Variants in SLC23A1 observed in about 807,000 individuals in gnomAD.
SLC23A1 encodes the protein solute carrier family 23 member 1, also known as Na(+)/L-ascorbic acid transporter 1.
A neutral mutation model predicts 62.5 loss-of-function variants in SLC23A1; 31 were observed. The observed-to-expected ratio is 0.50, with a 90% confidence interval of 0.37 to 0.67. SLC23A1 has a LOEUF of 0.67. Among genes scored for constraint, SLC23A1 ranks in the 30% least tolerant of loss-of-function variants. SLC23A1 has a pLI of 0.00. For missense variants in SLC23A1, 640 were observed against 782.7 expected, an observed-to-expected ratio of 0.82 and a Z score of 2.18; for synonymous variants, 271 against 313.2, an observed-to-expected ratio of 0.87 and a Z score of 1.42.
At chr5:139,374,193 G>A (rs546853765) in intron 13 of SLC23A1, among the ~76,000 whole-genome samples, 1 of 152,320 alleles carries the variant, frequency 6.6e-6, no homozygotes, top group Admixed American at 6.5e-5. Flanking sequence ...GGGCCAAGCT[G>A]GTAAGCTCTA....
chr5:139,378,140 T>C lies in SLC23A1; in HGVS notation c.1310-22A>G, dbSNP rs200040295. On this transcript the variant is annotated intron_variant, in intron 11 of 14. Transcript: ENST00000348729. The surrounding 1 kb of genome is among the most constrained non-coding windows in gnomAD (Gnocchi z 4.5). Reference sequence around the variant, plus strand: ...ATGCCTAAGGGCGCAAGAGAACGGCTGGAGGCGCCGCACACGCGTAATCCA... The same window carrying C: ...ATGCCTAAGGGCGCAAGAGAACGGCCGGAGGCGCCGCACACGCGTAATCCA... The C allele has an allele frequency of 1.1e-5, 17 of 1,614,052 alleles. No individual in the cohort carries two copies. In the East Asian group the frequency reaches 3.6e-4, roughly 34 times the overall value.
At position 139,378,621 on chromosome 5, in the gene SLC23A1, G is replaced by A. The variant is rs375052458; in HGVS notation, c.1137C>T (p.Ser379=). The A allele has an allele frequency of 5.6e-6, 9 of 1,611,834 alleles. No homozygotes were observed. The African/African-American group carries it at 1.2e-4, about 22-fold the overall frequency. ...CGCCAATGTTGGGACTGGACGAGGT[G>A]GACCCGTTGCCCGTGCCCAATAGCC... is the stretch of plus-strand genomic sequence containing the variant. ...IAGLLGTGNG[S]TSSSPNIGVL... The change falls in exon 10 of 15, where the codon TCC becomes TCT. Residue 379 remains serine, a synonymous_variant. Transcript: ENST00000348729. The surrounding 1 kb of genome is among the most constrained non-coding windows in gnomAD (Gnocchi z 4.5).
At chr5:139,380,732 T>C in intron 4 of SLC23A1, 66 bp downstream of exon 4, 1 of 1,463,130 alleles carries the variant, frequency 6.8e-7, no homozygotes, top group Non-Finnish European at 9.6e-7. Context: ...CCCGGGACAG[T>C]TGCTCAGACC....
At chr5:139,372,472 A>C (rs1428764627) in intron 13 of SLC23A1, among the ~76,000 whole-genome samples, 1 of 152,230 alleles carries the variant, frequency 6.6e-6, no homozygotes, top group Non-Finnish European at 1.5e-5. Context: ...TTATTGTGTA[A>C]CTACAGTGTG....
chr5:139,382,447 C>T (rs763744414), intron 2 of SLC23A1, 45 bp downstream of exon 2: 16 of 1,151,644 alleles, frequency 1.4e-5, no homozygotes, highest in South Asian at 4.9e-5. Flanking sequence ...CTGGAGTCCC[C>T]GGGGAGTGTG....
intron 14 of SLC23A1, among the ~76,000 whole-genome samples, chr5:139,371,175 C>CAG (rs1282043462): frequency 6.6e-6 from 1 of 152,162 alleles, no homozygotes; most frequent in East Asian, 1.9e-4. Flanking sequence ...CCTTCCTTTC[C>CAG]ACATCTCTAA....
Position 139,377,961 on chromosome 5 carries a change from ACAG to A in SLC23A1, c.1453+11_1453+13del. 6.2e-7 allele frequency: 1 copy of A among 1,612,458 alleles called. No individual in the cohort carries two copies. The highest frequency in any genetic ancestry group is 8.5e-7 in the Non-Finnish European group (1 of 1,179,272). On this transcript the variant is annotated intron_variant, in intron 12 of 14. Transcript: ENST00000348729. ...CCCACCCCGCCTTTGGAGACAGTAA[ACAG>A]CTGGAGGCACCTGTATTGATGGCGC...
chr5:139,374,796 C>T (rs1757863985), intron 13 of SLC23A1, among the ~76,000 whole-genome samples: 1 of 152,164 alleles, frequency 6.6e-6, no homozygotes, highest in Non-Finnish European at 1.5e-5. Flanking sequence ...ACCCAAGTCA[C>T]AAAGAAGCCT....
chr5:139,372,654 G>A (rs1757736290), intron 13 of SLC23A1, among the ~76,000 whole-genome samples: 1 of 151,862 alleles, frequency 6.6e-6, no homozygotes, highest in Non-Finnish European at 1.5e-5. Flanking sequence ...GCACGATCTC[G>A]GCTCACTGCC....
Position 139,380,269 on chromosome 5 carries a change from C to T in SLC23A1, c.586G>A (p.Gly196Ser). Residue 196 changes from glycine to serine, a missense_variant, in exon 6 of 15, where the codon GGC becomes AGC. Physicochemically the swap from Gly to Ser is moderately conservative, Grantham distance 56. Coordinates refer to ENST00000348729, the MANE Select transcript of SLC23A1 (RefSeq NM_005847.5). Reference sequence around the variant, plus strand: ...CCAGCAGCTTGGAAGACAGAAAGGCCAATGAGGGAGACAGTGGGGGTGACT... The same window carrying T: ...CCAGCAGCTTGGAAGACAGAAAGGCTAATGAGGGAGACAGTGGGGGTGACT... ...LTVTPTVSLI[G>S]LSVFQAAGDR... 6.3e-7 allele frequency: 1 copy of T among 1,583,156 alleles called. No homozygotes were observed. The highest frequency in any genetic ancestry group is 8.6e-7 in the Non-Finnish European group (1 of 1,164,612).
chr5:139,379,362 C>T lies in SLC23A1; in HGVS notation c.926-8G>A, dbSNP rs891915135. 40 of 1,613,786 alleles carry T rather than the reference C, an allele frequency of 2.5e-5. No individual in the cohort carries two copies. In the East Asian group the frequency reaches 5.8e-4, roughly 23 times the overall value. On this transcript the variant is annotated splice_region_variant and splice_polypyrimidine_tract_variant and intron_variant, in intron 8 of 14. Transcript: ENST00000348729. This position sits in a 1 kb window ranked among gnomAD's most constrained non-coding sequence, Gnocchi z 4.7. Reference sequence around the variant, plus strand: ...TGGGCAGGCCCCACTGACCTGTGCTCGGAGGGAGACAGGATGGTGGCTACA... The same window carrying T: ...TGGGCAGGCCCCACTGACCTGTGCTTGGAGGGAGACAGGATGGTGGCTACA...
chr5:139,372,274 C>T, intron 13 of SLC23A1, 21 bp from the exon 14 acceptor site: 1 of 1,603,028 alleles, frequency 6.2e-7, no homozygotes. Context: ...ATAGTGAGGT[C>T]ATTTACCAAG....
chr5:139,379,427 C>T lies in SLC23A1; in HGVS notation c.926-73G>A. On this transcript the variant is annotated intron_variant, in intron 8 of 14. Transcript: ENST00000348729. The surrounding 1 kb of genome is among the most constrained non-coding windows in gnomAD (Gnocchi z 4.7). The stretch of plus-strand genomic sequence containing the variant: ...ATGGTTAGGAATAGACAGGGCAGTG[C>T]TGGAAGGAGCAAGAGCAGATCAGGA... The T allele has an allele frequency of 6.8e-7, 1 of 1,471,798 alleles. No homozygotes were observed. The highest frequency in any genetic ancestry group is 9.5e-7 in the Non-Finnish European group (1 of 1,055,678). 91.2% of individuals were successfully genotyped at this position (1,471,798 alleles called of 1,614,324 possible).
chr5:139,373,173 T>C (rs1298504894), intron 13 of SLC23A1, among the ~76,000 whole-genome samples: 1 of 152,062 alleles, frequency 6.6e-6, no homozygotes, highest in African/African-American at 2.4e-5. Context: ...TGTTGTGTTT[T>C]TTTTGTTGTT....
At chr5:139,384,096 T>C (rs1017643408), upstream of SLC23A1, among the ~76,000 whole-genome samples, 2 of 152,214 alleles carry the variant, frequency 1.3e-5, no homozygotes, top group Non-Finnish European at 2.9e-5. Flanking sequence ...AGCAGGAGCA[T>C]TAGATGGAGC....
chr5:139,378,340 C>T lies in SLC23A1; in HGVS notation c.1191G>A (p.Arg397=), dbSNP rs371304820. The T allele has an allele frequency of 2.6e-6, 4 of 1,565,638 alleles. No individual in the cohort carries two copies. Among genetic ancestry groups the T allele is most frequent in the Non-Finnish European group, 3.5e-6 (4 of 1,156,134 alleles). ...TAGCCGCACCATACTGCACCACGCG[C>T]CGGCTGCCCACCTGCCGGGGAGCCA... ...GVLGITKVGS[R]RVVQYGAAIM... The change falls in exon 11 of 15, where the codon CGG becomes CGA. Residue 397 remains arginine (R), a synonymous_variant. Coordinates refer to ENST00000348729, the MANE Select transcript of SLC23A1 (RefSeq NM_005847.5). This position sits in a 1 kb window ranked among gnomAD's most constrained non-coding sequence, Gnocchi z 4.5.
upstream of SLC23A1, among the ~76,000 whole-genome samples, chr5:139,384,162 A>G (rs1758417409): frequency 6.6e-6 from 1 of 152,272 alleles, no homozygotes; most frequent in South Asian, 2.1e-4. Flanking sequence ...TAGCCCAGGA[A>G]GGCAGTCCTA....
rs1196335268 is a variant in SLC23A1, at chr5:139,374,182, A to G, written c.1550-1929T>C. ...GCATATCCTCCTCAGTGTCTGATTCAGGGCCAAGCTGGTAAGCTCTAGCAG... is the reference window on the plus strand; with the variant it reads ...GCATATCCTCCTCAGTGTCTGATTCGGGGCCAAGCTGGTAAGCTCTAGCAG... On this transcript the variant is annotated intron_variant, in intron 13 of 14. Coordinates refer to ENST00000348729, the MANE Select transcript of SLC23A1 (RefSeq NM_005847.5). Among the ~76,000 whole-genome samples the G allele has an allele frequency of 2.0e-5, 3 of 152,246 alleles. No homozygotes were observed. The East Asian group carries it at 5.8e-4, about 29-fold the overall frequency.
At chr5:139,375,898 C>T (rs1757924571) in intron 13 of SLC23A1, among the ~76,000 whole-genome samples, 1 of 151,980 alleles carries the variant, frequency 6.6e-6, no homozygotes, top group African/African-American at 2.4e-5. Flanking sequence ...CTTTGAGAGG[C>T]TGAGATGGGA....
Sources: allele counts gnomAD v4.1 joint callset (sites outside exome capture counted in the v4.1 genomes callset), GRCh38; gene constraint gnomAD v4.1.1; non-coding constraint Gnocchi (gnomAD v3.1); transcripts MANE v1.5; gene names NCBI Gene and HGNC (gene_info 2026-07-23, HGNC 2026-07-21).